BABAM2: variants seen among roughly 807,000 people sequenced by gnomAD.
The protein encoded by BABAM2 is BRISC and BRCA1 A complex member 2.
A neutral mutation model predicts 54.7 loss-of-function variants in BABAM2; 31 were observed. That is an observed-to-expected ratio of 0.57 (90% confidence interval 0.43 to 0.77). The LOEUF (loss-of-function observed/expected upper bound fraction) is 0.77, where lower values mean the gene tolerates loss of function less well. BABAM2 is among the 30% of genes least tolerant of loss of function. The pLI, the probability that BABAM2 is intolerant of heterozygous loss-of-function variation, is 0.00. For missense variants in BABAM2, 364 were observed against 455.8 expected, an observed-to-expected ratio of 0.80 and a Z score of 1.83; for synonymous variants, 167 against 162.9, an observed-to-expected ratio of 1.03 and a Z score of -0.19.
intron 5 of BABAM2, among the ~76,000 whole-genome samples, chr2:28,035,064 T>C (rs537233889): frequency 6.6e-6 from 1 of 152,258 alleles, no homozygotes; most frequent in Admixed American, 6.5e-5. Context: ...GTTTGAAGAA[T>C]TAGTACAAAA....
chr2:27,898,191 T>C (rs1399271399), intron 2 of BABAM2, among the ~76,000 whole-genome samples: 2 of 152,238 alleles, frequency 1.3e-5, no homozygotes, highest in Non-Finnish European at 2.9e-5. Context: ...CATCTCTTTT[T>C]TTCTGTGTTT....
intron 7 of BABAM2, among the ~76,000 whole-genome samples, chr2:28,167,716 A>G (rs1246764898): frequency 6.6e-6 from 1 of 151,002 alleles, no homozygotes; most frequent in Non-Finnish European, 1.5e-5. Flanking sequence ...AAATAAATAA[A>G]TAAATAAATA....
intron 9 of BABAM2, among the ~76,000 whole-genome samples, chr2:28,242,688 T>A (rs1013629818): frequency 3.3e-5 from 5 of 152,192 alleles, no homozygotes; most frequent in Non-Finnish European, 2.9e-5. Flanking sequence ...CTCTGGGATA[T>A]AATTTTCAAA....
chr2:28,328,872 C>A (rs1416990308), intron 11 of BABAM2, among the ~76,000 whole-genome samples: 1 of 152,216 alleles, frequency 6.6e-6, no homozygotes, highest in Non-Finnish European at 1.5e-5. Flanking sequence ...CAGTCCCCAA[C>A]CTCTTTGGGT....
rs111578284 is a variant in BABAM2 at position 28,188,231 on chromosome 2, A to G, written c.681-48971A>G. Among the ~76,000 whole-genome samples the G allele has an allele frequency of 1.4e-4, 21 of 152,224 alleles. No individual in the cohort carries two copies. The South Asian group carries it at 3.7e-3, about 27-fold the overall frequency. ...ATCACCTTCTCCATTCTACCTACAC[A>G]TTGGCATAAAGTCCCAACCCTCTAA... is the stretch of plus-strand genomic sequence containing the variant. On this transcript the variant is annotated intron_variant, in intron 7 of 11. Coordinates refer to ENST00000379624, the MANE Select transcript of BABAM2 (RefSeq NM_199191.3).
rs567062228 is a variant in BABAM2 at position 28,109,562 on chromosome 2, T to A, written c.571-19709T>A. On this transcript the variant is annotated intron_variant, in intron 6 of 11. Transcript: ENST00000379624. ...GCTGTCAACCGCTGAATCAGATGTC[T>A]AAGGTCCTTTTTACCTTTAACATTT... 4.6e-5 allele frequency among the ~76,000 whole-genome samples: 7 copies of A among 152,270 alleles called. No individual in the cohort carries two copies. The East Asian group carries it at 1.4e-3, about 29-fold the overall frequency.
intron 3 of BABAM2, among the ~76,000 whole-genome samples, chr2:27,973,712 C>T (rs1478760251): frequency 6.6e-6 from 1 of 152,132 alleles, no homozygotes; most frequent in Non-Finnish European, 1.5e-5. Context: ...AAGTCTCAGG[C>T]TTATCCTTGA....
Position 28,025,269 on chromosome 2 carries a change from T to A in BABAM2, c.344T>A (p.Leu115His). Residue 115 changes from leucine (L) to histidine (H), a missense_variant, in exon 5 of 12, where the codon CTT becomes CAT. Leu to His is a moderately conservative substitution (Grantham distance 99). Transcript: ENST00000379624. ...CCTTCAAATCCTGAATGTCTCTTACTTGTGGTGAAGGAACTTGTGCAACAA... is the reference window on the plus strand; with the variant it reads ...CCTTCAAATCCTGAATGTCTCTTACATGTGGTGAAGGAACTTGTGCAACAA... ...WNPSNPECLL[L>H]VVKELVQQYH... The A allele has an allele frequency of 6.2e-7, 1 of 1,608,472 alleles. No homozygotes were observed. Among genetic ancestry groups the A allele is most frequent in the South Asian group, 1.1e-5 (1 of 89,382 alleles).
chr2:28,148,892 C>A (rs1671756187), intron 7 of BABAM2, among the ~76,000 whole-genome samples: 1 of 152,180 alleles, frequency 6.6e-6, no homozygotes. Flanking sequence ...TCTCAAATAT[C>A]CTTGCAATAA....
intron 6 of BABAM2, among the ~76,000 whole-genome samples, chr2:28,100,462 C>CAAA (rs34217491): frequency 2.0e-4 from 18 of 89,566 alleles, no homozygotes; most frequent in Admixed American, 5.6e-4. Context: ...ACTCTGTCTC[C>CAAA]AAAAAAAAAA....
chr2:27,936,840 G>A (rs868223511), intron 3 of BABAM2, among the ~76,000 whole-genome samples: 6 of 151,940 alleles, frequency 3.9e-5, no homozygotes, highest in African/African-American at 1.2e-4. Flanking sequence ...GGAGATATAC[G>A]TAATGCTAAA....
In BABAM2 at chr2:28,132,256, A is replaced by G. The variant is rs541967471; in HGVS notation, c.680+2876A>G. ...CGGGTTCACGCCATTCTCCTGCCTC[A>G]GCCTCCCGAGTAGCTGGGACTACAG... On this transcript the variant is annotated intron_variant, in intron 7 of 11. Transcript: ENST00000379624. Among the ~76,000 whole-genome samples the G allele has an allele frequency of 2.0e-3, 303 of 150,682 alleles. 1 individual carries two copies. Among genetic ancestry groups the G allele is most frequent in the Non-Finnish European group, 3.0e-3 (201 of 67,774 alleles).
chr2:27,890,608 T>C, upstream of BABAM2: 1 of 437,532 alleles, frequency 2.3e-6, no homozygotes, highest in Non-Finnish European at 4.1e-6. The surrounding 1 kb of genome is among the most constrained non-coding windows in gnomAD (Gnocchi z 4.8). Flanking sequence ...GGGCAGGCGC[T>C]GAGGAAGGAA....
intron 6 of BABAM2, among the ~76,000 whole-genome samples, chr2:28,128,144 T>C (rs4665403): frequency 1 from 151,617 of 152,298 alleles, 75,474 homozygotes; most frequent in Middle Eastern, 1. Flanking sequence ...GGTGTGACCC[T>C]TCCCTCTCTT....
intron 4 of BABAM2, among the ~76,000 whole-genome samples, chr2:28,018,789 T>A (rs545780175): frequency 6.6e-6 from 1 of 152,298 alleles, no homozygotes; most frequent in East Asian, 1.9e-4. Context: ...TTGTTGGCCA[T>A]TTGTATATCT....
At chr2:27,951,769 T>C (rs1221923731) in intron 3 of BABAM2, among the ~76,000 whole-genome samples, 1 of 152,210 alleles carries the variant, frequency 6.6e-6, no homozygotes, top group Non-Finnish European at 1.5e-5. Context: ...GTAAGTTCTT[T>C]AGTGGTGATT....
At chr2:28,003,974 C>G (rs1391148168) in intron 4 of BABAM2, among the ~76,000 whole-genome samples, 2 of 152,110 alleles carry the variant, frequency 1.3e-5, no homozygotes, top group Non-Finnish European at 2.9e-5. Context: ...TCTTTCAACT[C>G]ATATAGCAAT....
chr2:28,068,379 G>C (rs1280871692), intron 6 of BABAM2, among the ~76,000 whole-genome samples: 2 of 152,160 alleles, frequency 1.3e-5, no homozygotes, highest in Non-Finnish European at 2.9e-5. Flanking sequence ...TCCCTTGGCT[G>C]CTGCAGACAG....
At chr2:28,089,906 G>A (rs116765897) in intron 6 of BABAM2, among the ~76,000 whole-genome samples, 12,638 of 151,316 alleles carry the variant, frequency 0.084, 565 homozygotes, top group East Asian at 0.15. Context: ...TTTTCTTTGT[G>A]TGTGTTTTAT....
Sources: allele counts gnomAD v4.1 joint callset (sites outside exome capture counted in the v4.1 genomes callset), GRCh38; gene constraint gnomAD v4.1.1; non-coding constraint Gnocchi (gnomAD v3.1); transcripts MANE v1.5; gene names NCBI Gene and HGNC (gene_info 2026-07-23, HGNC 2026-07-21).